SENP1: variants seen among roughly 807,000 people sequenced by gnomAD.
SENP1 encodes sentrin-specific protease 1.
In SENP1, 21 loss-of-function variants were observed where a neutral mutation model predicts 93.0. The ratio of observed to expected loss-of-function variants is 0.23; its 90% CI spans 0.16 to 0.33. The LOEUF (loss-of-function observed/expected upper bound fraction) is 0.33. Among genes scored for constraint, SENP1 ranks in the 10% least tolerant of loss-of-function variants. The pLI is 1.00. For missense variants in SENP1, 591 were observed against 758.7 expected, an observed-to-expected ratio of 0.78 and a Z score of 2.60; for synonymous variants, 256 against 259.6, an observed-to-expected ratio of 0.99 and a Z score of 0.13.
chr12:48,047,843 T>G (rs1183596213), intron 15 of SENP1, among the ~76,000 whole-genome samples, 158 bp downstream of exon 15: 1 of 152,218 alleles, frequency 6.6e-6, no homozygotes, highest in African/African-American at 2.4e-5. Flanking sequence ...GGTATTGTTT[T>G]TAAACTAAAC....
chr12:48,051,600 C>A (rs1941817946), intron 13 of SENP1, among the ~76,000 whole-genome samples: 1 of 151,778 alleles, frequency 6.6e-6, no homozygotes, highest in Non-Finnish European at 1.5e-5. Context: ...ACAATTAAAC[C>A]AAAAAAATGA....
intron 5 of SENP1, chr12:48,085,090 T>TG: frequency 1.5e-6 from 2 of 1,369,868 alleles, no homozygotes; most frequent in Admixed American, 1.8e-5. Context: ...CTCATCGCAG[T>TG]GATCAGAGAC....
chr12:48,084,073 T>C (rs921156069), intron 5 of SENP1, among the ~76,000 whole-genome samples: 7 of 152,186 alleles, frequency 4.6e-5, no homozygotes, highest in Admixed American at 2.0e-4. Flanking sequence ...GCATAACAGA[T>C]TAGATGTCTT....
chr12:48,048,078 A>G lies in SENP1; in HGVS notation c.1614T>C (p.Val538=). ...TAATATTCTTCTTTCTAAAGTCCAC[A>G]ACCTGAGAATAAGAAAAAAAGTCTC... ...IHLGVHWCLA[V]VDFRKKNITY... is the part of the protein sequence containing the mutation. Residue 538 remains valine (V), a splice_region_variant and synonymous_variant, in exon 15 of 18, where the codon GTT becomes GTC. Coordinates refer to ENST00000549518, the MANE Select transcript of SENP1 (RefSeq NM_001267594.2). 6.3e-7 allele frequency: 1 copy of G among 1,595,104 alleles called. No homozygotes were observed. Among genetic ancestry groups the G allele is most frequent in the East Asian group, 2.2e-5 (1 of 44,726 alleles).
intron 2 of SENP1, among the ~76,000 whole-genome samples, chr12:48,100,256 T>C (rs2137320605): frequency 6.6e-6 from 1 of 152,338 alleles, no homozygotes; most frequent in Non-Finnish European, 1.5e-5. Context: ...CAATTCTCAG[T>C]AACACTAGCT....
At position 48,074,538 on chromosome 12, in the gene SENP1, T is replaced by C. The variant is rs1379690710; in HGVS notation, c.726A>G (p.Ala242=). 2 of 1,613,548 alleles carry C rather than the reference T, an allele frequency of 1.2e-6. No individual in the cohort carries two copies. Among genetic ancestry groups the C allele is most frequent in the South Asian group, 1.1e-5 (1 of 91,080 alleles). The part of the protein sequence containing the change: ...DSLFKNGNSC[A]SQIIGSDTSS... ...AAGTATCAGAGCCAATGATCTGAGATGCACAAGAGTTTCCATTTTTAAACA... is the reference window on the plus strand; with the variant it reads ...AAGTATCAGAGCCAATGATCTGAGACGCACAAGAGTTTCCATTTTTAAACA... Residue 242 remains alanine (A), a synonymous_variant, in exon 8 of 18, where the codon GCA becomes GCG. Coordinates refer to ENST00000549518, the MANE Select transcript of SENP1 (RefSeq NM_001267594.2).
chr12:48,078,200 T>G (rs2137078218), intron 6 of SENP1, among the ~76,000 whole-genome samples: 1 of 151,334 alleles, frequency 6.6e-6, no homozygotes, highest in Non-Finnish European at 1.5e-5. Context: ...TGGCTTCTTT[T>G]TTGCATAGTT....
At chr12:48,056,783 C>A (rs568870078) in intron 13 of SENP1, among the ~76,000 whole-genome samples, 1 of 27,670 alleles carries the variant, frequency 3.6e-5, no homozygotes. Context: ...TTACATATTA[C>A]ATATATATTA....
intron 13 of SENP1, among the ~76,000 whole-genome samples, chr12:48,056,917 T>A (rs1942523738): frequency 3.3e-5 from 1 of 30,442 alleles, no homozygotes; most frequent in South Asian, 9.1e-4. Flanking sequence ...ATTACATATA[T>A]AATATATTAT....
At chr12:48,090,988 C>T (rs1945191682) in intron 4 of SENP1, among the ~76,000 whole-genome samples, 1 of 152,114 alleles carries the variant, frequency 6.6e-6, no homozygotes, top group South Asian at 2.1e-4. Flanking sequence ...AAAAAGATTA[C>T]CTATTATGTG....
intron 12 of SENP1, 114 bp from the exon 13 acceptor site, chr12:48,063,955 T>C (rs1943126243): frequency 9.8e-7 from 1 of 1,019,604 alleles, no homozygotes; most frequent in Non-Finnish European, 1.4e-6. Flanking sequence ...CGATTGTTTA[T>C]AAATTTACTG....
intron 11 of SENP1, among the ~76,000 whole-genome samples, 187 bp from the exon 12 acceptor site, chr12:48,065,407 T>C (rs1230432054): frequency 2.6e-5 from 4 of 152,218 alleles, no homozygotes; most frequent in Non-Finnish European, 5.9e-5. Flanking sequence ...ACTATCTATA[T>C]TTGTCTTATG....
chr12:48,101,014 G>A (rs979128825), intron 2 of SENP1, among the ~76,000 whole-genome samples: 4 of 152,160 alleles, frequency 2.6e-5, no homozygotes, highest in Non-Finnish European at 5.9e-5. Context: ...GGCTGGGTGC[G>A]GTGGCTCATG....
intron 8 of SENP1, 118 bp from the exon 9 acceptor site, chr12:48,071,839 G>C: frequency 1.5e-6 from 1 of 665,616 alleles, no homozygotes. Context: ...AATAACATAA[G>C]AACAAAGGTT....
In SENP1 at chr12:48,048,042, G is replaced by A; in HGVS notation, c.1650C>T (p.Asp550=). Residue 550 remains aspartate, a synonymous_variant, in exon 15 of 18, where the codon GAC becomes GAT. Coordinates refer to ENST00000549518, the MANE Select transcript of SENP1 (RefSeq NM_001267594.2). The stretch of plus-strand genomic sequence containing the variant: ...CTTCATTGTTTATCCCACCCATGGA[G>A]TCGTAATAGGTAATATTCTTCTTTC... The part of the protein sequence containing the change: ...DFRKKNITYY[D]SMGGINNEAC... The A allele has an allele frequency of 6.2e-7, 1 of 1,607,790 alleles. No homozygotes were observed. The highest frequency in any genetic ancestry group is 8.5e-7 in the Non-Finnish European group (1 of 1,174,478).
At chr12:48,089,636 A>AT (rs936314352) in intron 4 of SENP1, among the ~76,000 whole-genome samples, 1 of 152,224 alleles carries the variant, frequency 6.6e-6, no homozygotes, top group African/African-American at 2.4e-5. Context: ...TAACTTGTGG[A>AT]TTACAATCTG....
chr12:48,098,781 C>T lies in SENP1; in HGVS notation c.5-657G>A, dbSNP rs148788713. On this transcript the variant is annotated intron_variant, in intron 2 of 17. Transcript: ENST00000549518. ...GAGCTATCATCACACCACTGCACTC[C>T]AGCCTGGGGGACAGAGGGAGACCCT... Among the ~76,000 whole-genome samples, 225 of 152,182 alleles carry T rather than the reference C, an allele frequency of 1.5e-3. 1 individual carries two copies. In the East Asian group the frequency reaches 0.015, roughly 10 times the overall value.
In SENP1 at chr12:48,065,096, T is replaced by A; in HGVS notation, c.1244A>T (p.Asp415Val). ...AATTTCAGGAAATTCATCTTCACTA[T>A]CAGTTAATTTATGACCTTTTTTTTG... is the stretch of plus-strand genomic sequence containing the variant. ...ETQKKGHKLTDSEDEFPEITE... is the reference protein window; with the variant it reads ...ETQKKGHKLTVSEDEFPEITE... Residue 415 changes from aspartate (D) to valine (V), a missense_variant, in exon 12 of 18, where the codon GAT becomes GTT. By Grantham distance (152) the Asp-to-Val change is radical. Around this residue, in one of 4 missense-constraint regions of SENP1, gnomAD observed 238 missense variants for 259.1 expected, o/e 0.92. Transcript: ENST00000549518. 1 of 1,604,398 alleles carries A rather than the reference T, an allele frequency of 6.2e-7. No individual in the cohort carries two copies. The highest frequency in any genetic ancestry group is 8.5e-7 in the Non-Finnish European group (1 of 1,171,308).
At chr12:48,058,249 T>G (rs1187359450) in intron 13 of SENP1, among the ~76,000 whole-genome samples, 1 of 152,110 alleles carries the variant, frequency 6.6e-6, no homozygotes. Flanking sequence ...CTCGGCCCAT[T>G]TTACTTTTTT....
Sources: gnomAD v4.1 joint callset for allele counts (sites outside exome capture counted in the v4.1 genomes callset) on GRCh38, gnomAD v4.1.1 for gene constraint, gnomAD v4.1.1 regional missense constraint, MANE v1.5 for transcripts, NCBI Gene and HGNC (gene_info 2026-07-23, HGNC 2026-07-21) for gene names.